The following TBC1D1 variants were observed in gnomAD, a reference collection of about 807,000 sequenced individuals.
TBC1D1 encodes the protein TBC1 domain family member 1, also known as TBC1 (tre-2/USP6, BUB2, cdc16) domain family, member 1.
In TBC1D1, 89 loss-of-function variants were observed where a neutral mutation model predicts 125.6. The ratio of observed to expected loss-of-function variants is 0.71; its 90% confidence interval spans 0.60 to 0.85. The LOEUF is 0.85. Among genes scored for constraint, TBC1D1 ranks in the 40% least tolerant of loss-of-function variants. TBC1D1 has a pLI of 0.00. For missense variants in TBC1D1, 1,377 were observed against 1,469.2 expected (o/e 0.94, Z 1.03); for synonymous variants, 565 against 564.1 (o/e 1.00, Z -0.02).
At chr4:37,913,608 A>AATAT (rs138412749) in intron 2 of TBC1D1, among the ~76,000 whole-genome samples, 24 of 149,410 alleles carry the variant, frequency 1.6e-4, no homozygotes, top group African/African-American at 2.0e-4. Flanking sequence ...TCAAAAAATA[A>AATAT]ATATATATAT....
chr4:37,968,676 G>A (rs1024330866), intron 2 of TBC1D1, among the ~76,000 whole-genome samples: 9 of 152,154 alleles, frequency 5.9e-5, no homozygotes, highest in African/African-American at 1.7e-4. Context: ...CTCTGAAGAC[G>A]GTCTTCAAAT....
intron 15 of TBC1D1, among the ~76,000 whole-genome samples, chr4:38,114,735 A>G (rs1471744318): frequency 2.0e-5 from 3 of 152,230 alleles, no homozygotes; most frequent in Non-Finnish European, 2.9e-5. Flanking sequence ...GCCTATTTGA[A>G]TAACAGTTTT....
chr4:37,937,356 G>A (rs1318838529), intron 2 of TBC1D1, among the ~76,000 whole-genome samples: 1 of 152,182 alleles, frequency 6.6e-6, no homozygotes, highest in Admixed American at 6.5e-5. Flanking sequence ...ATGCTGGGTA[G>A]CCTAAAAAGC....
chr4:37,921,079 C>T (rs1175708538), intron 2 of TBC1D1, among the ~76,000 whole-genome samples: 1 of 133,128 alleles, frequency 7.5e-6, no homozygotes, highest in Admixed American at 8.4e-5. Context: ...CACTGCACTC[C>T]AGCCAGGGCG....
At chr4:37,897,430 T>C (rs1177222736) in intron 1 of TBC1D1, among the ~76,000 whole-genome samples, 1 of 152,200 alleles carries the variant, frequency 6.6e-6, no homozygotes, top group East Asian at 1.9e-4. Context: ...ATGTAGAACT[T>C]ATTATTTGAT....
At chr4:38,010,660 C>G (rs1002477553) in intron 2 of TBC1D1, among the ~76,000 whole-genome samples, 1 of 152,232 alleles carries the variant, frequency 6.6e-6, no homozygotes, top group Non-Finnish European at 1.5e-5. Context: ...CTGGGTACCA[C>G]GCCCCATCTT....
chr4:38,037,237 A>G (rs1747390238), intron 8 of TBC1D1, among the ~76,000 whole-genome samples: 1 of 151,830 alleles, frequency 6.6e-6, no homozygotes, highest in Admixed American at 6.6e-5. Context: ...TATTTTTATG[A>G]TTTGGGCATA....
intron 2 of TBC1D1, among the ~76,000 whole-genome samples, chr4:37,922,028 C>T (rs1485029911): frequency 6.6e-6 from 1 of 152,168 alleles, no homozygotes; most frequent in Non-Finnish European, 1.5e-5. Context: ...TGAGCCACCA[C>T]ACCCAGCCTC....
intron 8 of TBC1D1, among the ~76,000 whole-genome samples, chr4:38,039,800 G>T (rs1196599864): frequency 6.6e-6 from 1 of 152,102 alleles, no homozygotes; most frequent in Non-Finnish European, 1.5e-5. Context: ...ATTCACTGTG[G>T]AGCCTCCAAA....
chr4:37,929,709 G>A (rs1722860631), intron 2 of TBC1D1, among the ~76,000 whole-genome samples: 1 of 152,206 alleles, frequency 6.6e-6, no homozygotes, highest in Non-Finnish European at 1.5e-5. Context: ...AACTTGAATA[G>A]CTGAATAGGA....
intron 12 of TBC1D1, among the ~76,000 whole-genome samples, chr4:38,083,208 T>C (rs991773807): frequency 7.2e-5 from 11 of 152,238 alleles, no homozygotes; most frequent in African/African-American, 2.7e-4. Flanking sequence ...AGAATGTATA[T>C]ATGAGATCAC....
chr4:38,105,975 G>A (rs1196127348), intron 15 of TBC1D1, among the ~76,000 whole-genome samples: 4 of 152,044 alleles, frequency 2.6e-5, no homozygotes, highest in Non-Finnish European at 5.9e-5. Flanking sequence ...TTGCAGGGTC[G>A]AATGGTAATT....
chr4:38,117,906 C>T (rs112833497), intron 16 of TBC1D1, 127 bp from the exon 19 acceptor site: 14 of 865,374 alleles, frequency 1.6e-5, no homozygotes, highest in African/African-American at 7.0e-5. Flanking sequence ...CTCAGTGGAT[C>T]GCAAGCCAAA....
At chr4:38,051,851 G>C in intron 11 of TBC1D1, 48 bp from the exon 12 acceptor site, 1 of 1,517,936 alleles carries the variant, frequency 6.6e-7, no homozygotes, top group Non-Finnish European at 8.9e-7. Flanking sequence ...CCCTGTCGGC[G>C]CCCCCTCTCC....
At chr4:38,078,100 A>G (rs984450711) in intron 12 of TBC1D1, among the ~76,000 whole-genome samples, 2 of 152,214 alleles carry the variant, frequency 1.3e-5, no homozygotes, top group African/African-American at 2.4e-5. Context: ...CGTTAATGAC[A>G]TAGAAAGCAA....
intron 2 of TBC1D1, among the ~76,000 whole-genome samples, chr4:37,915,191 T>G (rs1248820066): frequency 6.6e-6 from 1 of 152,160 alleles, no homozygotes; most frequent in Admixed American, 6.5e-5. Flanking sequence ...TTCTTGAGGA[T>G]GTACTCTTCC....
chr4:37,968,449 T>C (rs1731452152), intron 2 of TBC1D1, among the ~76,000 whole-genome samples: 1 of 152,244 alleles, frequency 6.6e-6, no homozygotes, highest in African/African-American at 2.4e-5. Context: ...TTGCTGTTAT[T>C]CTGGCTAACA....
intron 2 of TBC1D1, among the ~76,000 whole-genome samples, chr4:38,012,304 A>G (rs1741673991): frequency 6.6e-6 from 1 of 152,004 alleles, no homozygotes; most frequent in Non-Finnish European, 1.5e-5. Flanking sequence ...TTTTGTTTTG[A>G]GACAAGGTCT....
At chr4:38,125,342 T>C (rs1470380148) in intron 18 of TBC1D1, among the ~76,000 whole-genome samples, 2 of 152,152 alleles carry the variant, frequency 1.3e-5, no homozygotes, top group Non-Finnish European at 2.9e-5. Context: ...CATGGAAACA[T>C]GGTGGCAATG....
Sources: gnomAD v4.1 joint callset for allele counts (sites outside exome capture counted in the v4.1 genomes callset) on GRCh38, gnomAD v4.1.1 for gene constraint, MANE v1.5 for transcripts, NCBI Gene and HGNC (gene_info 2026-07-23, HGNC 2026-07-21) for gene names.